The following ZSWIM5 variants were observed in gnomAD, a reference collection of about 807,000 sequenced individuals.
The protein encoded by ZSWIM5 is zinc finger SWIM-type containing 5.
ZSWIM5 carries 55 observed loss-of-function variants against 119.6 expected under a neutral mutation model. That is an observed-to-expected ratio of 0.46 (90% CI 0.37 to 0.58). ZSWIM5 has a LOEUF of 0.58. Ranked by LOEUF, ZSWIM5 falls within the 20% of genes least tolerant of loss-of-function variation. The pLI, the probability that ZSWIM5 is intolerant of heterozygous loss-of-function variation, is 0.00. For synonymous variants in ZSWIM5, 537 were observed against 606.9 expected, an observed-to-expected ratio of 0.88 and a Z score of 1.69; for missense variants, 1,193 against 1,512.8, an observed-to-expected ratio of 0.79 and a Z score of 3.51.
intron 1 of ZSWIM5, among the ~76,000 whole-genome samples, chr1:45,145,858 A>C (rs946522465): frequency 1.3e-5 from 2 of 152,234 alleles, no homozygotes; most frequent in African/African-American, 4.8e-5. Flanking sequence ...GAGAACAGGA[A>C]GAACAAGCAA....
intron 10 of ZSWIM5, 24 bp downstream of exon 10, chr1:45,035,664 T>A (rs746138315): frequency 6.2e-7 from 1 of 1,609,926 alleles, no homozygotes. Context: ...GTGGAGGCAA[T>A]TGGACTGGGA....
chr1:45,054,972 C>T (rs1212799954), intron 4 of ZSWIM5, among the ~76,000 whole-genome samples: 1 of 152,052 alleles, frequency 6.6e-6, no homozygotes, highest in Non-Finnish European at 1.5e-5. Context: ...ATTACAGGCA[C>T]CTGCCACCAT....
intron 1 of ZSWIM5, among the ~76,000 whole-genome samples, chr1:45,100,089 G>T (rs572768413): frequency 9.2e-5 from 14 of 152,184 alleles, no homozygotes; most frequent in Non-Finnish European, 1.9e-4. Context: ...ATCCAATTAG[G>T]AAAAGAGGAA....
intron 1 of ZSWIM5, among the ~76,000 whole-genome samples, chr1:45,103,599 T>C (rs1037366250): frequency 7.2e-5 from 11 of 152,032 alleles, no homozygotes; most frequent in African/African-American, 2.7e-4. Context: ...AGACAGAGAG[T>C]CCTGCACTAA....
At chr1:45,077,681 T>C (rs1645263739) in intron 2 of ZSWIM5, among the ~76,000 whole-genome samples, 1 of 152,322 alleles carries the variant, frequency 6.6e-6, no homozygotes, top group East Asian at 1.9e-4. Context: ...CTAATAAGCC[T>C]GGGAGCGCTA....
chr1:45,046,634 ATGTG>A (rs60762459), intron 5 of ZSWIM5, among the ~76,000 whole-genome samples: 34 of 147,420 alleles, frequency 2.3e-4, no homozygotes, highest in South Asian at 4.4e-4. Flanking sequence ...TGGGCAAGAT[ATGTG>A]TGTGTGTGTG....
intron 1 of ZSWIM5, among the ~76,000 whole-genome samples, chr1:45,149,076 C>G (rs1049478449): frequency 2.0e-5 from 3 of 151,978 alleles, no homozygotes; most frequent in African/African-American, 7.2e-5. Flanking sequence ...TGAGACCAGC[C>G]TGGGCAATAT....
In ZSWIM5 at chr1:45,048,080, C is replaced by CTTTT. The variant is rs796685981; in HGVS notation, c.1432+2993_1432+2994insAAAA. ...TTCTTTCTTTCTTTCCTTTTCTTTT[C>CTTTT]TCTTTTTTTTTTTTTTTTTTTGAGA... On this transcript the variant is annotated intron_variant, in intron 5 of 13. Coordinates refer to ENST00000359600, the MANE Select transcript of ZSWIM5 (RefSeq NM_020883.2). 8.9e-3 allele frequency among the ~76,000 whole-genome samples: 38 copies of CTTTT among 4,252 alleles called. 1 individual carries two copies. The highest frequency in any genetic ancestry group is 0.035 in the African/African-American group (32 of 922). 2.8% of individuals were successfully genotyped at this position (4,252 alleles called of 152,430 possible). A position where few individuals can be genotyped will look rare whatever the true frequency, so the allele number is the denominator to read the frequency against.
At chr1:45,159,398 T>C (rs1051290545) in intron 1 of ZSWIM5, among the ~76,000 whole-genome samples, 1 of 152,148 alleles carries the variant, frequency 6.6e-6, no homozygotes, top group Non-Finnish European at 1.5e-5. Flanking sequence ...TCATCTTATG[T>C]CACTATAATG....
At chr1:45,185,695 CA>C in intron 1 of ZSWIM5, among the ~76,000 whole-genome samples, 1 of 152,276 alleles carries the variant, frequency 6.6e-6, no homozygotes, top group East Asian at 1.9e-4. Flanking sequence ...ATCAAAACCA[CA>C]ATGAGATACC....
chr1:45,139,648 A>G (rs1645715067), intron 1 of ZSWIM5, among the ~76,000 whole-genome samples: 1 of 140,024 alleles, frequency 7.1e-6, no homozygotes, highest in South Asian at 2.3e-4. Flanking sequence ...TGCCCAGCTA[A>G]TTTTTTCTTT....
At chr1:45,181,996 A>G (rs1447655302) in intron 1 of ZSWIM5, among the ~76,000 whole-genome samples, 4 of 152,232 alleles carry the variant, frequency 2.6e-5, no homozygotes, top group Non-Finnish European at 2.9e-5. Flanking sequence ...TGTAAAGACC[A>G]TCGAGACTAG....
At chr1:45,049,323 G>A (rs1207219250) in intron 5 of ZSWIM5, among the ~76,000 whole-genome samples, 1 of 152,120 alleles carries the variant, frequency 6.6e-6, no homozygotes, top group Non-Finnish European at 1.5e-5. Flanking sequence ...AAGAAGGTAG[G>A]AAGAATTATG....
chr1:45,117,680 T>G (rs910923715), intron 1 of ZSWIM5, among the ~76,000 whole-genome samples: 3 of 151,638 alleles, frequency 2.0e-5, no homozygotes, highest in Non-Finnish European at 4.4e-5. Context: ...CAAAAAAAAG[T>G]AACAAGGAGG....
intron 2 of ZSWIM5, among the ~76,000 whole-genome samples, chr1:45,082,892 C>G (rs940330498): frequency 6.6e-6 from 1 of 152,088 alleles, no homozygotes; most frequent in Non-Finnish European, 1.5e-5. Flanking sequence ...CAATACAGGT[C>G]CTGAACCAAG....
intron 1 of ZSWIM5, among the ~76,000 whole-genome samples, chr1:45,112,098 C>G (rs114989720): frequency 6.6e-6 from 1 of 152,312 alleles, no homozygotes; most frequent in South Asian, 2.1e-4. Context: ...TATGCACTCA[C>G]GAAACTATCT....
At chr1:45,079,731 C>T (rs1645278094) in intron 2 of ZSWIM5, among the ~76,000 whole-genome samples, 1 of 152,176 alleles carries the variant, frequency 6.6e-6, no homozygotes, top group African/African-American at 2.4e-5. Context: ...TCCTGAGACT[C>T]ACCTTAAGCC....
Position 45,161,282 on chromosome 1 carries a change from T to C in ZSWIM5, c.595+44474A>G, listed in dbSNP as rs564986772. 6.6e-5 allele frequency among the ~76,000 whole-genome samples: 10 copies of C among 152,248 alleles called. No homozygotes were observed. The South Asian group carries it at 2.1e-3, about 32-fold the overall frequency. On this transcript the variant is annotated intron_variant, in intron 1 of 13. Transcript: ENST00000359600. The stretch of plus-strand genomic sequence containing the variant: ...TGTGGATAAACACCTAGTAGTGAGA[T>C]TGCTGGATCAAATGGTAGTTCTATT...
intron 1 of ZSWIM5, among the ~76,000 whole-genome samples, chr1:45,192,964 T>C (rs973465326): frequency 1.3e-5 from 2 of 152,226 alleles, no homozygotes; most frequent in African/African-American, 4.8e-5. Context: ...TGGAGAAATG[T>C]TTATTCAAGT....
Sources: allele counts gnomAD v4.1 joint callset (sites outside exome capture counted in the v4.1 genomes callset), GRCh38; gene constraint gnomAD v4.1.1; transcripts MANE v1.5; gene names NCBI Gene and HGNC (gene_info 2026-07-23, HGNC 2026-07-21).